The following TMEM132D variants were observed in gnomAD, a reference collection of about 807,000 sequenced individuals.
The protein encoded by TMEM132D is transmembrane protein 132D.
TMEM132D carries 21 observed loss-of-function variants against 62.3 expected under a neutral mutation model. The ratio of observed to expected loss-of-function variants is 0.34; its 90% confidence interval spans 0.24 to 0.49. The LOEUF is 0.49. TMEM132D is among the 20% of genes least tolerant of loss of function. TMEM132D has a pLI of 0.99. For missense variants in TMEM132D, 1,346 were observed against 1,402.8 expected, an observed-to-expected ratio of 0.96 and a Z score of 0.65; for synonymous variants, 621 against 575.6, an observed-to-expected ratio of 1.08 and a Z score of -1.13.
chr12:129,085,055 G>T (rs1435842890), intron 5 of TMEM132D: 7 of 401,048 alleles, frequency 1.7e-5, no homozygotes, highest in Admixed American at 8.4e-5. Context: ...AGTTACCCGG[G>T]AGTTATGTCC....
intron 3 of TMEM132D, among the ~76,000 whole-genome samples, chr12:129,382,344 G>A (rs1466148485): frequency 6.6e-6 from 1 of 152,134 alleles, no homozygotes; most frequent in Non-Finnish European, 1.5e-5. Flanking sequence ...CAATTACCAA[G>A]TATTACTATA....
intron 1 of TMEM132D, among the ~76,000 whole-genome samples, chr12:129,780,564 A>G: frequency 6.6e-6 from 1 of 152,076 alleles, no homozygotes; most frequent in Non-Finnish European, 1.5e-5. Context: ...CCCTGCTGCC[A>G]TCTGGCTGCT....
chr12:129,134,914 C>T (rs1339289717), intron 5 of TMEM132D, among the ~76,000 whole-genome samples: 2 of 152,146 alleles, frequency 1.3e-5, no homozygotes, highest in African/African-American at 2.4e-5. Flanking sequence ...ATCATCATGC[C>T]CAGCATCAGT....
intron 2 of TMEM132D, among the ~76,000 whole-genome samples, chr12:129,646,455 C>A (rs1216998307): frequency 6.6e-6 from 1 of 152,118 alleles, no homozygotes; most frequent in African/African-American, 2.4e-5. Context: ...TAGGGTATCT[C>A]CCACATAGGC....
At chr12:129,839,117 A>ATTTTTTTTTTTTTTTTTTTTTTTTTTTT (rs71085578) in intron 1 of TMEM132D, among the ~76,000 whole-genome samples, 1 of 20,712 alleles carries the variant, frequency 4.8e-5, no homozygotes, top group Non-Finnish European at 8.4e-5. Context: ...CGCCTGGCTA[A>ATTTTTTTTTTTTTTTTTTTTTTTTTTTT]TTTTTTTTTT....
chr12:129,440,324 G>A (rs1383014791), intron 3 of TMEM132D, among the ~76,000 whole-genome samples: 3 of 152,210 alleles, frequency 2.0e-5, no homozygotes, highest in Non-Finnish European at 2.9e-5. Context: ...GAGATGGTGA[G>A]TGTCTGAACC....
chr12:129,247,925 C>T (rs1159643976), intron 4 of TMEM132D, among the ~76,000 whole-genome samples: 2 of 150,846 alleles, frequency 1.3e-5, no homozygotes, highest in African/African-American at 2.4e-5. Flanking sequence ...AACTCGGGTA[C>T]TTGGAAGGCA....
At chr12:129,397,152 G>A (rs1871454872) in intron 3 of TMEM132D, among the ~76,000 whole-genome samples, 1 of 152,158 alleles carries the variant, frequency 6.6e-6, no homozygotes, top group Non-Finnish European at 1.5e-5. Flanking sequence ...TGTAGATAGA[G>A]CCCATTTTCT....
At chr12:129,080,025 G>C (rs1434891179) in intron 7 of TMEM132D, among the ~76,000 whole-genome samples, 1 of 152,228 alleles carries the variant, frequency 6.6e-6, no homozygotes, top group African/African-American at 2.4e-5. Context: ...CTCGCTGTGA[G>C]TTTCTGGGCA....
At chr12:129,154,673 A>G (rs960179044) in intron 5 of TMEM132D, among the ~76,000 whole-genome samples, 1 of 152,160 alleles carries the variant, frequency 6.6e-6, no homozygotes, top group Admixed American at 6.5e-5. Flanking sequence ...TCAGTAACAG[A>G]TGGTTGGTCC....
intron 3 of TMEM132D, among the ~76,000 whole-genome samples, chr12:129,363,014 A>G (rs1870295585): frequency 1.3e-5 from 2 of 152,198 alleles, no homozygotes; most frequent in South Asian, 4.1e-4. Flanking sequence ...CATCTGCTAC[A>G]TCTGGCAACT....
In TMEM132D at chr12:129,074,364, G is replaced by A. The variant is rs1874178357; in HGVS notation, c.2811C>T (p.Asn937=). Residue 937 remains asparagine, a synonymous_variant, in exon 9 of 9, where the codon AAC becomes AAT. Transcript: ENST00000422113. The part of the protein sequence containing the change: ...FCLAILVFLI[N]CVTFALKYRH... ...TGTATTTTAATGCAAAGGTCACACAGTTTATCAAGAAGACCAAAATGGCCA... is the reference window on the plus strand; with the variant it reads ...TGTATTTTAATGCAAAGGTCACACAATTTATCAAGAAGACCAAAATGGCCA... 6.2e-7 allele frequency: 1 copy of A among 1,614,074 alleles called. No individual in the cohort carries two copies. The highest frequency in any genetic ancestry group is 8.5e-7 in the Non-Finnish European group (1 of 1,180,028).
At chr12:129,206,270 C>A (rs941142706) in intron 5 of TMEM132D, among the ~76,000 whole-genome samples, 4 of 152,160 alleles carry the variant, frequency 2.6e-5, no homozygotes, top group Admixed American at 2.6e-4. Context: ...CAAAAACCAA[C>A]CCCACTGAAA....
intron 5 of TMEM132D, among the ~76,000 whole-genome samples, chr12:129,087,206 T>A (rs900291549): frequency 1.3e-5 from 2 of 152,168 alleles, no homozygotes; most frequent in Non-Finnish European, 2.9e-5. Flanking sequence ...TCCCGACGTA[T>A]AAGCAACGTC....
chr12:129,539,312 A>G lies in TMEM132D; in HGVS notation c.969-8107T>C, dbSNP rs116964761. 1.0e-3 allele frequency among the ~76,000 whole-genome samples: 154 copies of G among 151,292 alleles called. 1 individual carries two copies. The East Asian group carries it at 0.026, about 26-fold the overall frequency. ...AGTGGCACGACCTCGGCTCACTGCA[A>G]CCTCTGCATCCCAGGCTCCAGTGAT... On this transcript the variant is annotated intron_variant, in intron 2 of 8. Coordinates refer to ENST00000422113, the MANE Select transcript of TMEM132D (RefSeq NM_133448.3).
At chr12:129,650,133 A>G (rs1233250592) in intron 2 of TMEM132D, among the ~76,000 whole-genome samples, 1 of 152,244 alleles carries the variant, frequency 6.6e-6, no homozygotes, top group African/African-American at 2.4e-5. Flanking sequence ...ATACAAATAC[A>G]TTGTCAATGC....
chr12:129,504,008 C>G (rs1164159103), intron 3 of TMEM132D, among the ~76,000 whole-genome samples: 1 of 138,524 alleles, frequency 7.2e-6, no homozygotes. Context: ...GTCATCATTA[C>G]TGTCATCATC....
intron 3 of TMEM132D, among the ~76,000 whole-genome samples, chr12:129,396,798 A>C (rs1871444897): frequency 6.6e-6 from 1 of 152,132 alleles, no homozygotes; most frequent in South Asian, 2.1e-4. Context: ...CCAATTTTTT[A>C]TTTCTTAAAA....
rs368852046 is a variant in TMEM132D at position 129,609,343 on chromosome 12, C to G, written c.969-78138G>C. On this transcript the variant is annotated intron_variant, in intron 2 of 8. Transcript: ENST00000422113. Reference sequence around the variant, plus strand: ...ATCTGAAAGAGTCATCAACATATCACGAGAAAGAAAATTCTACCCTTCTTA... The same window carrying G: ...ATCTGAAAGAGTCATCAACATATCAGGAGAAAGAAAATTCTACCCTTCTTA... Among the ~76,000 whole-genome samples the G allele has an allele frequency of 2.1e-3, 323 of 152,166 alleles. 12 individuals are homozygous for G. In the South Asian group the frequency reaches 0.065, roughly 31 times the overall value.
Sources: gnomAD v4.1 joint callset for allele counts (sites outside exome capture counted in the v4.1 genomes callset) on GRCh38, gnomAD v4.1.1 for gene constraint, MANE v1.5 for transcripts, NCBI Gene and HGNC (gene_info 2026-07-23, HGNC 2026-07-21) for gene names.